The following SPDYE2 variants were observed in gnomAD, a reference collection of about 807,000 sequenced individuals.
The protein encoded by SPDYE2 is speedy protein E2.
For synonymous variants in SPDYE2, 2 were observed against 45.1 expected (o/e 0.04, Z 3.83); for missense variants, 1 against 121.0 (o/e 0.01, Z 4.65).
At chr7:102,561,124 TTATGACCCA>T in exon 8 of SPDYE2, 1 of 360,672 alleles carries the variant, frequency 2.8e-6, no homozygotes, top group Non-Finnish European at 4.8e-6. Flanking sequence ...AGATCCAGGC[TTATGACCCA>T]GAGCACTGGG....
intron 5 of SPDYE2, among the ~76,000 whole-genome samples, chr7:102,557,657 C>T (rs1333864380): frequency 3.5e-5 from 2 of 57,884 alleles, no homozygotes; most frequent in African/African-American, 1.4e-4. Flanking sequence ...CCACTGTGCC[C>T]GACCAGCTCC....
chr7:102,554,768 G>A (rs1483632462), intron 3 of SPDYE2, among the ~76,000 whole-genome samples, 191 bp downstream of exon 3: 11 of 129,642 alleles, frequency 8.5e-5, no homozygotes, highest in African/African-American at 3.0e-4. Flanking sequence ...CTTGATAAAG[G>A]TTGGCGCTTG....
At chr7:102,562,745 CTT>C (rs1428151374) in exon 9 of SPDYE2, 2 of 112,510 alleles carry the variant, frequency 1.8e-5, no homozygotes, top group African/African-American at 6.6e-5. Context: ...AGCGAGCACT[CTT>C]TTTATCTATG....
chr7:102,555,630 CAACAA>C (rs1277033757), intron 3 of SPDYE2, among the ~76,000 whole-genome samples: 49 of 56,164 alleles, frequency 8.7e-4, no homozygotes, highest in Middle Eastern at 6.8e-3. Context: ...ACAACAACAA[CAACAA>C]AAAAAAAAAA....
At position 102,554,879 on chromosome 7, in the gene SPDYE2, T is replaced by G. The variant is rs1326823413; in HGVS notation, c.379+302T>G. Reference sequence around the variant, plus strand: ...AGAGGATTGCTTGAACTCAGGACTTTGAGGCTGCAGTGAGCTATGACTGCA... The same window carrying G: ...AGAGGATTGCTTGAACTCAGGACTTGGAGGCTGCAGTGAGCTATGACTGCA... On this transcript the variant is annotated intron_variant, in intron 3 of 8. Coordinates refer to ENST00000507918, the Ensembl canonical transcript of SPDYE2. 1.4e-4 allele frequency among the ~76,000 whole-genome samples: 16 copies of G among 115,954 alleles called. 1 individual carries two copies. Among genetic ancestry groups the G allele is most frequent in the South Asian group, 7.7e-4 (3 of 3,878 alleles). 76.1% of individuals were successfully genotyped at this position (115,954 alleles called of 152,430 possible). A position where few individuals can be genotyped will look rare whatever the true frequency, so the allele number is the denominator to read the frequency against.
exon 9 of SPDYE2, chr7:102,563,081 T>C (rs1247707808): frequency 6.7e-6 from 1 of 148,722 alleles, no homozygotes; most frequent in Admixed American, 6.7e-5. Flanking sequence ...GAAATACTGG[T>C]ATTTTTGAAT....
chr7:102,555,650 A>G (rs1219229081), intron 3 of SPDYE2, among the ~76,000 whole-genome samples: 2 of 96,042 alleles, frequency 2.1e-5, no homozygotes, highest in Non-Finnish European at 4.5e-5. Context: ...AAAAAAAAAA[A>G]GGGACTCAGA....
chr7:102,565,226 TC>T, downstream of SPDYE2: 1 of 89,300 alleles, frequency 1.1e-5, no homozygotes, highest in African/African-American at 2.8e-5. Context: ...ACTTTCTTTC[TC>T]TTTTTTTTTT....
In SPDYE2 at chr7:102,557,156, A is replaced by C. The variant is rs1259534125; in HGVS notation, c.611-8A>C. 1 of 777,868 alleles carries C rather than the reference A, an allele frequency of 1.3e-6. No homozygotes were observed. The highest frequency in any genetic ancestry group is 2.0e-6 in the Non-Finnish European group (1 of 502,956). The allele number at this position is 777,868 out of a possible 1,614,324, so 48.2% of individuals were successfully genotyped here. On this transcript the variant is annotated splice_polypyrimidine_tract_variant and splice_region_variant and intron_variant, in intron 4 of 8. Coordinates refer to ENST00000507918, the Ensembl canonical transcript of SPDYE2. ...CTTCTCACACTGACATCTGCTCTCTAATCACAGAGGATCCTGTCATTAAAA... is the reference window on the plus strand; with the variant it reads ...CTTCTCACACTGACATCTGCTCTCTCATCACAGAGGATCCTGTCATTAAAA...
chr7:102,557,451 G>A (rs868415831), intron 5 of SPDYE2, among the ~76,000 whole-genome samples: 7 of 116,486 alleles, frequency 6.0e-5, no homozygotes, highest in East Asian at 5.6e-4. Flanking sequence ...CAGCCGATGC[G>A]TCCTGGGTTC....
In SPDYE2 at chr7:102,554,939, C is replaced by A. The variant is rs1198039562; in HGVS notation, c.379+362C>A. Reference sequence around the variant, plus strand: ...TCCAGCCTGGGTGACAGAGCAAAACCCTGTGTCAAAAGAAAAACGAAGGCC... The same window carrying A: ...TCCAGCCTGGGTGACAGAGCAAAACACTGTGTCAAAAGAAAAACGAAGGCC... On this transcript the variant is annotated intron_variant, in intron 3 of 8. Coordinates refer to ENST00000507918, the Ensembl canonical transcript of SPDYE2. 1.6e-5 allele frequency among the ~76,000 whole-genome samples: 2 copies of A among 128,908 alleles called. 1 individual carries two copies. The highest frequency in any genetic ancestry group is 5.6e-5 in the African/African-American group (2 of 36,012). The allele number at this position is 128,908 out of a possible 152,430, so 84.6% of individuals were successfully genotyped here. A position where few individuals can be genotyped will look rare whatever the true frequency, so the allele number is the denominator to read the frequency against.
chr7:102,555,290 G>A (rs1337637697), intron 3 of SPDYE2, among the ~76,000 whole-genome samples: 1 of 131,996 alleles, frequency 7.6e-6, no homozygotes, highest in African/African-American at 2.8e-5. Context: ...AAGTCAGGAA[G>A]GAGCACATGA....
chr7:102,554,738 C>T lies in SPDYE2; in HGVS notation c.379+161C>T, dbSNP rs1372026100. On this transcript the variant is annotated intron_variant, in intron 3 of 8. Transcript: ENST00000507918. ...TCACTCATGAGGGACACTTAGGAGA[C>T]GATAGAAGACTAGGCTAGACTTGAT... Among the ~76,000 whole-genome samples the T allele has an allele frequency of 3.8e-3, 502 of 133,656 alleles. 78 individuals carry two copies. The highest frequency in any genetic ancestry group is 4.9e-3 in the Non-Finnish European group (292 of 59,110). The allele number at this position is 133,656 out of a possible 152,430, so 87.7% of individuals were successfully genotyped here. A position where few individuals can be genotyped will look rare whatever the true frequency, so the allele number is the denominator to read the frequency against.
chr7:102,564,417 C>A (rs1454296134), downstream of SPDYE2: 1 of 147,480 alleles, frequency 6.8e-6, no homozygotes, highest in African/African-American at 2.4e-5. Flanking sequence ...CTCCTCACCC[C>A]CTCTCAAAAA....
chr7:102,554,925 T>A (rs1343355234), intron 3 of SPDYE2, among the ~76,000 whole-genome samples: 1 of 126,904 alleles, frequency 7.9e-6, no homozygotes, highest in African/African-American at 2.8e-5. Flanking sequence ...CCAGCCTGGG[T>A]GACAGAGCAA....
downstream of SPDYE2, chr7:102,564,408 T>C: frequency 7.0e-6 from 1 of 142,626 alleles, no homozygotes; most frequent in Non-Finnish European, 1.5e-5. Context: ...AGATTGTGTC[T>C]CCTCACCCCC....
chr7:102,554,957 C>T (rs1210827948), intron 3 of SPDYE2, among the ~76,000 whole-genome samples: 7 of 131,108 alleles, frequency 5.3e-5, no homozygotes, highest in South Asian at 2.3e-4. Context: ...AAAAGAAAAA[C>T]GAAGGCCAGG....
intron 3 of SPDYE2, among the ~76,000 whole-genome samples, chr7:102,554,937 AC>A (rs1800727963): frequency 7.8e-6 from 1 of 128,930 alleles, no homozygotes; most frequent in African/African-American, 2.8e-5. Context: ...ACAGAGCAAA[AC>A]CCTGTGTCAA....
At chr7:102,555,618 C>A (rs1586813109) in intron 3 of SPDYE2, among the ~76,000 whole-genome samples, 2 of 63,244 alleles carry the variant, frequency 3.2e-5, no homozygotes, top group African/African-American at 5.1e-5. Context: ...TTCTCAACAA[C>A]AACAACAACA....
Sources: allele counts gnomAD v4.1 joint callset (sites outside exome capture counted in the v4.1 genomes callset), GRCh38; gene constraint gnomAD v4.1.1; transcripts MANE v1.5; gene names NCBI Gene and HGNC (gene_info 2026-07-23, HGNC 2026-07-21).